GBP5: variants seen among roughly 807,000 people sequenced by gnomAD.
GBP5 encodes guanylate binding protein 5, also known as guanylate-binding protein 5.
Under a neutral mutation model 58.2 loss-of-function variants are expected in GBP5, and 48 were observed. The ratio of observed to expected loss-of-function variants is 0.83; its 90% CI spans 0.65 to 1.05. GBP5 has a LOEUF of 1.05. Among genes scored for constraint, GBP5 ranks in the 50% least tolerant of loss-of-function variants. The pLI is 0.00. For synonymous variants in GBP5, 248 were observed against 251.8 expected (o/e 0.98, Z 0.14); for missense variants, 714 against 686.8 (o/e 1.04, Z -0.44).
Position 89,257,191 on chromosome 1 carries a change from G to T in GBP5, c.*3513C>A, listed in dbSNP as rs971460200. 5.3e-5 allele frequency among the ~76,000 whole-genome samples: 8 copies of T among 152,116 alleles called. No individual in the cohort carries two copies. Among genetic ancestry groups the T allele is most frequent in the Non-Finnish European group, 1.0e-4 (7 of 68,026 alleles). ...ATGGACTTGTAGTTTCACATGGGTG[G>T]GGAGGCCTCACAACCACAGCAGAAG... On this transcript the variant is annotated 3_prime_UTR_variant, in exon 12 of 12. Transcript: ENST00000370459.
At chr1:89,264,583 C>T in intron 8 of GBP5, 103 bp downstream of exon 8, 1 of 976,110 alleles carries the variant, frequency 1.0e-6, no homozygotes, top group Non-Finnish European at 1.5e-6. Flanking sequence ...TTATTATTTT[C>T]CAATCTAGTA....
chr1:89,271,940 T>G (rs1404269310), intron 1 of GBP5: 1 of 152,234 alleles, frequency 6.6e-6, no homozygotes, highest in Non-Finnish European at 1.5e-5. Context: ...AGAAATCTAC[T>G]TTCAAACAAA....
In GBP5 at chr1:89,259,176, T is replaced by C. The variant is rs1649897159; in HGVS notation, c.*1528A>G. 1.3e-5 allele frequency: 2 copies of C among 152,206 alleles called. No homozygotes were observed. The highest frequency in any genetic ancestry group is 4.8e-5 in the African/African-American group (2 of 41,448). The allele number at this position is 152,206 out of a possible 1,614,324, so 9.4% of individuals were successfully genotyped here. On this transcript the variant is annotated 3_prime_UTR_variant, in exon 12 of 12. Transcript: ENST00000370459. Reference sequence around the variant, plus strand: ...CATATTTATAAGATCTAAAGGATTATAAACATATTACACATAATAATTAAG... The same window carrying C: ...CATATTTATAAGATCTAAAGGATTACAAACATATTACACATAATAATTAAG...
intron 11 of GBP5, 150 bp downstream of exon 11, chr1:89,262,070 A>C (rs1650023443): frequency 2.8e-6 from 2 of 710,810 alleles, no homozygotes; most frequent in Middle Eastern, 4.1e-4. Context: ...CCATATACTT[A>C]CTAAGAGGTG....
chr1:89,260,575 CTA>C lies in GBP5; in HGVS notation c.*127_*128del. 1.6e-6 allele frequency: 1 copy of C among 624,400 alleles called. No individual in the cohort carries two copies. The highest frequency in any genetic ancestry group is 2.8e-5 in the Admixed American group (1 of 35,758). The allele number at this position is 624,400 out of a possible 1,614,324, so 38.7% of individuals were successfully genotyped here. Reference sequence around the variant, plus strand: ...ATACCAGCATCATAATCTTATAACTCTATATGAAAGTTTGAAAAAATAATTAT... The same window carrying C: ...ATACCAGCATCATAATCTTATAACTCTATGAAAGTTTGAAAAAATAATTAT... On this transcript the variant is annotated 3_prime_UTR_variant, in exon 12 of 12. Transcript: ENST00000370459.
Position 89,259,301 on chromosome 1 carries a change from C to G in GBP5, c.*1403G>C, listed in dbSNP as rs1301766051. 6.6e-6 allele frequency: 1 copy of G among 152,158 alleles called. No individual in the cohort carries two copies. Among genetic ancestry groups the G allele is most frequent in the African/African-American group, 2.4e-5 (1 of 41,428 alleles). The allele number at this position is 152,158 out of a possible 1,614,324, so 9.4% of individuals were successfully genotyped here. ...AAAGGCTTCTTCTTTAGCCCTTAAG[C>G]CTATGACACAATTTCCATGCTGGTA... On this transcript the variant is annotated 3_prime_UTR_variant, in exon 12 of 12. Coordinates refer to ENST00000370459, the MANE Select transcript of GBP5 (RefSeq NM_052942.5).
At chr1:89,268,973 C>A in intron 3 of GBP5, 117 bp from the exon 4 acceptor site, 1 of 1,024,210 alleles carries the variant, frequency 9.8e-7, no homozygotes, top group South Asian at 1.5e-5. Context: ...AATGTACAAC[C>A]AGTATTGATT....
rs777226000 is a variant in GBP5, at chr1:89,268,740, C to G, written c.307G>C (p.Asp103His). ...LVLLDTEGLG[D>H]VEKADNKNDI... ...GAATCCTTCCTTACCTTCTCTACAT[C>G]TCCCAGGCCCTCGGTGTCAAGCAGA... is the stretch of plus-strand genomic sequence containing the variant. The change falls in exon 4 of 12, where the codon GAT (aspartate) becomes CAT (histidine). Residue 103 changes from aspartate (D) to histidine (H), a missense_variant. Coordinates refer to ENST00000370459, the MANE Select transcript of GBP5 (RefSeq NM_052942.5). The G allele has an allele frequency of 1.2e-6, 2 of 1,614,004 alleles. No individual in the cohort carries two copies. Among genetic ancestry groups the G allele is most frequent in the Admixed American group, 3.3e-5 (2 of 60,018 alleles).
At chr1:89,267,584 T>G in intron 4 of GBP5, 58 bp from the exon 5 acceptor site, 1 of 1,002,080 alleles carries the variant, frequency 1.0e-6, no homozygotes, top group Admixed American at 1.7e-5. Context: ...GAGCGATATT[T>G]AAAAATAGGC....
intron 10 of GBP5, 68 bp downstream of exon 10, chr1:89,262,615 G>A: frequency 1.7e-6 from 2 of 1,177,960 alleles, no homozygotes; most frequent in South Asian, 1.3e-5. Flanking sequence ...TCCCATGAGG[G>A]CCAGGCCAAA....
Position 89,262,690 on chromosome 1 carries a change from CTTTTTTT to C in GBP5, c.1451_1457del (p.Glu484GlyfsTer7), listed in dbSNP as rs1650055680. 1.3e-6 allele frequency: 2 copies of C among 1,593,712 alleles called. No individual in the cohort carries two copies. Among genetic ancestry groups the C allele is most frequent in the South Asian group, 2.2e-5 (2 of 90,526 alleles). ...TTTCCACTTTCTTCTCACCTTTCTT[CTTTTTTT>C]CCGTCTCTGTGAGAGCCTGGTCAGT... On this transcript the variant is annotated frameshift_variant, in exon 10 of 12. Coordinates refer to ENST00000370459, the MANE Select transcript of GBP5 (RefSeq NM_052942.5). LOFTEE classifies it high-confidence loss of function.
chr1:89,267,657 G>T, intron 4 of GBP5, 131 bp from the exon 5 acceptor site: 1 of 627,972 alleles, frequency 1.6e-6, no homozygotes, highest in South Asian at 1.9e-5. Flanking sequence ...ACTTTGAATA[G>T]TTCTCTTGTT....
In GBP5 at chr1:89,270,761, T is replaced by C. The variant is rs770306708; in HGVS notation, c.-26A>G. 1 of 152,198 alleles carries C rather than the reference T, an allele frequency of 6.6e-6. No individual in the cohort carries two copies. Among genetic ancestry groups the C allele is most frequent in the African/African-American group, 2.4e-5 (1 of 41,446 alleles). 9.4% of individuals were successfully genotyped at this position (152,198 alleles called of 1,614,324 possible). On this transcript the variant is annotated 5_prime_UTR_variant, in exon 2 of 12. The change creates a new upstream start codon in the 5' untranslated region. Transcript: ENST00000370459. ...TTCAATGTAGTATTAGTACCTTATA[T>C]ATGTAGAATTCTGGTTGCCTGATTT...
chr1:89,268,847 A>T lies in GBP5; in HGVS notation c.200T>A (p.Val67Asp). 1 of 1,613,856 alleles carries T rather than the reference A, an allele frequency of 6.2e-7. No homozygotes were observed. Among genetic ancestry groups the T allele is most frequent in the Non-Finnish European group, 8.5e-7 (1 of 1,179,874 alleles). The change falls in exon 4 of 12, where the codon GTT becomes GAT. Residue 67 changes from valine to aspartate, a missense_variant. Val to Asp is a radical substitution (Grantham distance 152). Coordinates refer to ENST00000370459, the MANE Select transcript of GBP5 (RefSeq NM_052942.5). ...GGTGTGAGACTGCACCGTAGATGCA[A>T]CAGAGAAGCCTGTCAGGGGGAGTGA... The part of the protein sequence containing the change: ...KLAGKNKGFS[V>D]ASTVQSHTKG...
chr1:89,268,750 C>G lies in GBP5; in HGVS notation c.297G>C (p.Glu99Asp). The G allele has an allele frequency of 6.2e-7, 1 of 1,613,938 alleles. No individual in the cohort carries two copies. The change falls in exon 4 of 12, where the codon GAG becomes GAC. Residue 99 changes from glutamate to aspartate, a missense_variant. Transcript: ENST00000370459. ...PNHTLVLLDTEGLGDVEKADN... is the reference protein window; with the variant it reads ...PNHTLVLLDTDGLGDVEKADN... ...TTACCTTCTCTACATCTCCCAGGCC[C>G]TCGGTGTCAAGCAGAACTAATGTGT...
Position 89,267,225 on chromosome 1 carries a change from C to CA in GBP5, c.429-73dup. 6 of 1,330,280 alleles carry CA rather than the reference C, an allele frequency of 4.5e-6. No individual in the cohort carries two copies. In the South Asian group the frequency reaches 8.4e-5, roughly 19 times the overall value. The allele number at this position is 1,330,280 out of a possible 1,614,324, so 82.4% of individuals were successfully genotyped here. On this transcript the variant is annotated intron_variant, in intron 5 of 11. Coordinates refer to ENST00000370459, the MANE Select transcript of GBP5 (RefSeq NM_052942.5). ...ACCCATACTTAATTCCATTTTCCCC[C>CA]AAACCTTTATTTTCCCCTACGAGTC...
intron 1 of GBP5, chr1:89,271,484 A>G (rs1005281900): frequency 1.3e-5 from 2 of 152,246 alleles, no homozygotes; most frequent in Non-Finnish European, 2.9e-5. Flanking sequence ...TGCCCAAAAA[A>G]AAATACTAAG....
intron 3 of GBP5, 59 bp downstream of exon 3, chr1:89,269,307 G>A (rs1414738112): frequency 6.6e-7 from 1 of 1,519,624 alleles, no homozygotes; most frequent in African/African-American, 1.4e-5. Flanking sequence ...TCCTCGTACT[G>A]GATGGTGACT....
intron 10 of GBP5, 131 bp downstream of exon 10, chr1:89,262,552 G>C (rs1650050139): frequency 4.4e-6 from 4 of 905,050 alleles, no homozygotes; most frequent in Non-Finnish European, 6.8e-6. Context: ...ATGCCAGTCA[G>C]ATATGCTTGA....
Sources: gnomAD v4.1 joint callset for allele counts (sites outside exome capture counted in the v4.1 genomes callset) on GRCh38, gnomAD v4.1.1 for gene constraint, MANE v1.5 for transcripts, NCBI Gene and HGNC (gene_info 2026-07-23, HGNC 2026-07-21) for gene names.